The following FEV variants were observed in gnomAD, a reference collection of about 807,000 sequenced individuals.
The protein encoded by FEV is FEV transcription factor, ETS family member.
Under a neutral mutation model 20.5 loss-of-function variants are expected in FEV, and 14 were observed. The observed-to-expected ratio is 0.68, with a 90% CI of 0.45 to 1.07. FEV has a LOEUF of 1.07. FEV is among the 50% of genes least tolerant of loss of function. The probability of loss-of-function intolerance (pLI) is 0.00; values close to 1 mark genes in which losing one functional copy is unlikely to be tolerated. For synonymous variants in FEV, 188 were observed against 163.7 expected (o/e 1.15, Z -1.13); for missense variants, 301 against 345.3 (o/e 0.87, Z 1.02).
chr2:218,983,520 C>T (rs1309597031), intron 2 of FEV, among the ~76,000 whole-genome samples: 1 of 152,186 alleles, frequency 6.6e-6, no homozygotes, highest in African/African-American at 2.4e-5. Flanking sequence ...TACAAAGGTG[C>T]ACCTGGCACC....
rs1945386695 is a variant in FEV, at chr2:218,981,628, AG to A, written c.*38del. On this transcript the variant is annotated 3_prime_UTR_variant, in exon 3 of 3. Coordinates refer to ENST00000295727, the MANE Select transcript of FEV (RefSeq NM_017521.3). The surrounding 1 kb of genome is among the most constrained non-coding windows in gnomAD (Gnocchi z 4.5). ...TGCCGATGGGATCGGGCGAGACTCT[AG>A]GCGTGCGGGCGAGGCCGCAGGCACC... is the stretch of plus-strand genomic sequence containing the variant. 7.9e-7 allele frequency: 1 copy of A among 1,267,842 alleles called. No homozygotes were observed. The highest frequency in any genetic ancestry group is 9.9e-7 in the Non-Finnish European group (1 of 1,005,050). The allele number at this position is 1,267,842 out of a possible 1,614,324, so 78.5% of individuals were successfully genotyped here. A position where few individuals can be genotyped will look rare whatever the true frequency, so the allele number is the denominator to read the frequency against.
chr2:218,983,591 G>A (rs1426499594), intron 2 of FEV, among the ~76,000 whole-genome samples: 1 of 152,216 alleles, frequency 6.6e-6, no homozygotes, highest in African/African-American at 2.4e-5. Flanking sequence ...TTTCCTTCTG[G>A]ATAAAACAGT....
chr2:218,982,335 C>T, intron 2 of FEV, 79 bp from the exon 3 acceptor site: 3 of 1,322,134 alleles, frequency 2.3e-6, no homozygotes, highest in Non-Finnish European at 3.1e-6. Flanking sequence ...GGAAACTGAC[C>T]CACCCCGGCA....
rs1406217458 is a variant in FEV at position 218,982,021 on chromosome 2, G to A, written c.363C>T (p.Arg121=). 6.2e-7 allele frequency: 1 copy of A among 1,613,240 alleles called. No individual in the cohort carries two copies. The highest frequency in any genetic ancestry group is 1.7e-5 in the Admixed American group (1 of 59,972). The change falls in exon 3 of 3, where the codon CGC becomes CGT. Residue 121 remains arginine (R), a synonymous_variant. Coordinates refer to ENST00000295727, the MANE Select transcript of FEV (RefSeq NM_017521.3). ...KNIMSKVHGK[R]YAYRFDFQGL... is the part of the protein sequence containing the mutation. ...CCTGGAAGTCGAAGCGGTAGGCGTA[G>A]CGCTTGCCATGCACCTTGCTCATGA...
In FEV at chr2:218,985,061, G is replaced by T. The variant is rs2106013156; in HGVS notation, c.15C>A (p.Gly5=). The stretch of plus-strand genomic sequence containing the variant: ...TGTTGATCAGCAGGGGCTGGGAGGC[G>T]CCGCTCTGTCTCATCGCCGCCGGGG... MRQS[G]ASQPLLINMY... Residue 5 remains glycine (G), a synonymous_variant, in exon 1 of 3, where the codon GGC becomes GGA. Coordinates refer to ENST00000295727, the MANE Select transcript of FEV (RefSeq NM_017521.3). The T allele has an allele frequency of 1.9e-6, 3 of 1,558,678 alleles. No individual in the cohort carries two copies. The highest frequency in any genetic ancestry group is 2.4e-5 in the South Asian group (2 of 84,646).
Position 218,982,240 on chromosome 2 carries a change from C to G in FEV, c.144G>C (p.Gln48His). Reference protein sequence around the residue: ...PAVQKGSGQIQLWQFLLELLA... With the variant: ...PAVQKGSGQIHLWQFLLELLA... ...GCAGCTCCAGCAGAAACTGCCACAG[C>G]TGGATCTGTCCGCTGCCTGTGGGGA... is the stretch of plus-strand genomic sequence containing the variant. Residue 48 changes from glutamine to histidine, a missense_variant, in exon 3 of 3, where the codon CAG becomes CAC. Coordinates refer to ENST00000295727, the MANE Select transcript of FEV (RefSeq NM_017521.3). 1.3e-6 allele frequency: 2 copies of G among 1,595,248 alleles called. No individual in the cohort carries two copies. Among genetic ancestry groups the G allele is most frequent in the Non-Finnish European group, 1.7e-6 (2 of 1,172,482 alleles).
Position 218,981,782 on chromosome 2 carries a change from G to GGGCC in FEV, c.601_602insGGCC (p.Ala201GlyfsTer54). The GGGCC allele has an allele frequency of 7.9e-7, 1 of 1,265,046 alleles. No individual in the cohort carries two copies. The allele number at this position is 1,265,046 out of a possible 1,614,324, so 78.4% of individuals were successfully genotyped here. A position where few individuals can be genotyped will look rare whatever the true frequency, so the allele number is the denominator to read the frequency against. On this transcript the variant is annotated frameshift_variant, in exon 3 of 3. Transcript: ENST00000295727. LOFTEE classifies it high-confidence loss of function. This position sits in a 1 kb window ranked among gnomAD's most constrained non-coding sequence, Gnocchi z 4.5. ...GGCGGTGGCGGCGGCAGCGGTGGCGGCGGGGCCCGGGCCCGGCCAGTAGGA... is the reference window on the plus strand; with the variant it reads ...GGCGGTGGCGGCGGCAGCGGTGGCGGGGCCCGGGGCCCGGGCCCGGCCAGTAGGA...
rs773550327 is a variant in FEV, at chr2:218,982,061, T to C, written c.323A>G (p.Tyr108Cys). The part of the protein sequence containing the change: ...YDKLSRALRY[Y>C]YDKNIMSKVH... ...CTTGCTCATGATGTTCTTGTCGTAG[T>C]AGTAGCGCAGGGCGCGGCTCAGCTT... The change falls in exon 3 of 3, where the codon TAC becomes TGC. Residue 108 changes from tyrosine to cysteine, a missense_variant. Transcript: ENST00000295727. The C allele has an allele frequency of 1.2e-6, 2 of 1,613,794 alleles. No individual in the cohort carries two copies. The highest frequency in any genetic ancestry group is 1.1e-5 in the South Asian group (1 of 91,076).
chr2:218,982,392 G>T (rs1945399119), intron 2 of FEV, 136 bp from the exon 3 acceptor site: 2 of 808,606 alleles, frequency 2.5e-6, no homozygotes, highest in Non-Finnish European at 3.8e-6. Context: ...CTGCAGCTGC[G>T]TTCGGCGGGA....
intron 2 of FEV, among the ~76,000 whole-genome samples, 177 bp from the exon 3 acceptor site, chr2:218,982,433 A>G (rs960475355): frequency 2.0e-5 from 3 of 151,170 alleles, no homozygotes; most frequent in Non-Finnish European, 4.4e-5. Flanking sequence ...TGATCAGCAG[A>G]GTGGTGTGTA....
At chr2:218,982,396 G>C in intron 2 of FEV, 140 bp from the exon 3 acceptor site, 1 of 774,512 alleles carries the variant, frequency 1.3e-6, no homozygotes, top group Non-Finnish European at 2.0e-6. Flanking sequence ...AGCTGCGTTC[G>C]GCGGGAGAGG....
Position 218,984,097 on chromosome 2 carries a change from G to C in FEV, c.127+134C>G. 1.2e-6 allele frequency: 1 copy of C among 810,276 alleles called. No homozygotes were observed. Among genetic ancestry groups the C allele is most frequent in the Non-Finnish European group, 1.9e-6 (1 of 527,924 alleles). The allele number at this position is 810,276 out of a possible 1,614,324, so 50.2% of individuals were successfully genotyped here. A position where few individuals can be genotyped will look rare whatever the true frequency, so the allele number is the denominator to read the frequency against. ...AAAAACCAAGTGACTGTCTTCCCAA[G>C]GCCTCCGCACAACCAGGCCAGGACT... On this transcript the variant is annotated intron_variant, in intron 2 of 2. Coordinates refer to ENST00000295727, the MANE Select transcript of FEV (RefSeq NM_017521.3). The surrounding 1 kb of genome is among the most constrained non-coding windows in gnomAD (Gnocchi z 5.0).
Position 218,984,576 on chromosome 2 carries a change from T to C in FEV, c.53-271A>G. ...AGCCTTATAAAGCCGAGCGGGGAAC[T>C]GCGCCAGCCGAGCTGGAGCGCGAAG... On this transcript the variant is annotated intron_variant, in intron 1 of 2. Transcript: ENST00000295727. The surrounding 1 kb of genome is among the most constrained non-coding windows in gnomAD (Gnocchi z 5.0). 1 of 410,320 alleles carries C rather than the reference T, an allele frequency of 2.4e-6. No homozygotes were observed. The highest frequency in any genetic ancestry group is 5.5e-5 in the South Asian group (1 of 18,112). 25.4% of individuals were successfully genotyped at this position (410,320 alleles called of 1,614,324 possible).
chr2:218,982,560 C>A lies in FEV; in HGVS notation c.128-304G>T, dbSNP rs192377349. ...GGGGGAAGGGGAAGCATTGCCTCCC[C>A]CCACGTGAGCGCAGCGGCGCACCAA... On this transcript the variant is annotated intron_variant, in intron 2 of 2. Transcript: ENST00000295727. Among the ~76,000 whole-genome samples, 28 of 152,300 alleles carry A rather than the reference C, an allele frequency of 1.8e-4. 1 individual carries two copies. The East Asian group carries it at 5.2e-3, about 28-fold the overall frequency.
In FEV at chr2:218,981,990, C is replaced by T. The variant is rs780931047; in HGVS notation, c.394G>A (p.Ala132Thr). The change falls in exon 3 of 3, where the codon GCG (alanine) becomes ACG (threonine). Residue 132 changes from alanine (A) to threonine (T), a missense_variant. By Grantham distance (58) the Ala-to-Thr change is moderately conservative. Coordinates refer to ENST00000295727, the MANE Select transcript of FEV (RefSeq NM_017521.3). The surrounding 1 kb of genome is among the most constrained non-coding windows in gnomAD (Gnocchi z 4.5). ...YAYRFDFQGL[A>T]QACQPPPAHA... ...GCGGGCGGCGGCTGGCAGGCCTGCG[C>T]CAGGCCCTGGAAGTCGAAGCGGTAG... The T allele has an allele frequency of 5.0e-6, 8 of 1,607,842 alleles. No homozygotes were observed. In the Admixed American group the frequency reaches 6.7e-5, roughly 13 times the overall value.
At position 218,984,324 on chromosome 2, in the gene FEV, A is replaced by G. The variant is rs1945418763; in HGVS notation, c.53-19T>C. ...ACGGGATCTGCAAGCAGCAGAAGAA[A>G]AGAATCAGGAGAACCCCGGGCGGAA... On this transcript the variant is annotated intron_variant, in intron 1 of 2. Transcript: ENST00000295727. The surrounding 1 kb of genome is among the most constrained non-coding windows in gnomAD (Gnocchi z 5.0). The G allele has an allele frequency of 2.5e-6, 4 of 1,574,556 alleles. No individual in the cohort carries two copies. Among genetic ancestry groups the G allele is most frequent in the East Asian group, 2.3e-5 (1 of 43,134 alleles).
Position 218,981,745 on chromosome 2 carries a change from G to A in FEV, c.639C>T (p.Pro213=). ...TAAAATAALY[P]SPSLQPPPGP... ...CGGGCGGGGGCTGCAAGCTGGGACT[G>A]GGGTAGAGCGCGGCGGTGGCGGCGG... Residue 213 remains proline, a synonymous_variant, in exon 3 of 3, where the codon CCC becomes CCT. Transcript: ENST00000295727. The surrounding 1 kb of genome is among the most constrained non-coding windows in gnomAD (Gnocchi z 4.5). 2 of 1,298,388 alleles carry A rather than the reference G, an allele frequency of 1.5e-6. No homozygotes were observed. The highest frequency in any genetic ancestry group is 4.1e-5 in the Admixed American group (1 of 24,326). 80.4% of individuals were successfully genotyped at this position (1,298,388 alleles called of 1,614,324 possible).
At chr2:218,983,822 A>T (rs1216475126) in intron 2 of FEV, among the ~76,000 whole-genome samples, 1 of 152,230 alleles carries the variant, frequency 6.6e-6, no homozygotes, top group Non-Finnish European at 1.5e-5. Context: ...AGGGTGAAGC[A>T]GGTGGCAGTA....
chr2:218,981,803 T>C lies in FEV; in HGVS notation c.581A>G (p.Tyr194Cys). 1 of 1,246,720 alleles carries C rather than the reference T, an allele frequency of 8.0e-7. No individual in the cohort carries two copies. The highest frequency in any genetic ancestry group is 1.0e-6 in the Non-Finnish European group (1 of 1,001,554). 77.2% of individuals were successfully genotyped at this position (1,246,720 alleles called of 1,614,324 possible). A position where few individuals can be genotyped will look rare whatever the true frequency, so the allele number is the denominator to read the frequency against. ...GGCGGCGGGGCCCGGGCCCGGCCAG[T>C]AGGAGAAGCCGGCGGGCGCGACCCC... ...SAGVAPAGFS[Y>C]WPGPGPAATA... Residue 194 changes from tyrosine (Y) to cysteine (C), a missense_variant, in exon 3 of 3, where the codon TAC (tyrosine) becomes TGC (cysteine). Transcript: ENST00000295727. This position sits in a 1 kb window ranked among gnomAD's most constrained non-coding sequence, Gnocchi z 4.5.
Sources: allele counts gnomAD v4.1 joint callset (sites outside exome capture counted in the v4.1 genomes callset), GRCh38; gene constraint gnomAD v4.1.1; non-coding constraint Gnocchi (gnomAD v3.1); transcripts MANE v1.5; gene names NCBI Gene and HGNC (gene_info 2026-07-23, HGNC 2026-07-21).